The following THADA variants were observed in gnomAD, a reference collection of about 807,000 sequenced individuals.
THADA encodes tRNA (32-2'-O)-methyltransferase regulator THADA.
A neutral mutation model predicts 219.8 loss-of-function variants in THADA; 213 were observed. The observed-to-expected ratio is 0.97, with a 90% CI of 0.87 to 1.09. The LOEUF is 1.09. THADA is among the 50% of genes least tolerant of loss of function. The pLI is 0.00. For synonymous variants in THADA, 1,018 were observed against 828.9 expected (o/e 1.23, Z -3.92); for missense variants, 2,956 against 2,311.3 (o/e 1.28, Z -5.72).
chr2:43,536,876 A>G (rs1694681502), intron 21 of THADA, among the ~76,000 whole-genome samples: 1 of 152,212 alleles, frequency 6.6e-6, no homozygotes, highest in Admixed American at 6.5e-5. Flanking sequence ...AAATAATAAG[A>G]TTATGCATTT....
At chr2:43,593,783 G>A (rs369175160) in intron 1 of THADA, among the ~76,000 whole-genome samples, 5 of 152,090 alleles carry the variant, frequency 3.3e-5, no homozygotes, top group East Asian at 3.9e-4. Flanking sequence ...ACAGGCGCCC[G>A]CCACCACGCC....
rs1262235838 is a variant in THADA, at chr2:43,586,877, G to A, written c.428C>T (p.Ser143Phe). ...SYRKVTDNIS[S>F]CMENFNLGRA... ...ACCCAAGTTAAAGTTCTCCATACAG[G>A]AAGAAATATTGTCAGTAACTTTCCT... The change falls in exon 5 of 38, where the codon TCC becomes TTC. Residue 143 changes from serine (S) to phenylalanine (F), a missense_variant. Ser to Phe is a radical substitution (Grantham distance 155). Coordinates refer to ENST00000405975, the MANE Select transcript of THADA (RefSeq NM_022065.5). 2 of 1,613,798 alleles carry A rather than the reference G, an allele frequency of 1.2e-6. No individual in the cohort carries two copies. The highest frequency in any genetic ancestry group is 2.7e-5 in the African/African-American group (2 of 75,012).
At position 43,307,230 on chromosome 2, in the gene THADA, C is replaced by T. The variant is rs573829695; in HGVS notation, c.4438+13216G>A. 4.9e-4 allele frequency among the ~76,000 whole-genome samples: 74 copies of T among 152,312 alleles called. 1 individual carries two copies. The highest frequency in any genetic ancestry group is 1.7e-3 in the African/African-American group (72 of 41,570). ...AAGAGGCAACTTCTAAGCCCCAGTA[C>T]AGAGAGGAGGAACCCAGAGCCCAGA... On this transcript the variant is annotated intron_variant, in intron 31 of 37. Coordinates refer to ENST00000405975, the MANE Select transcript of THADA (RefSeq NM_022065.5).
intron 20 of THADA, among the ~76,000 whole-genome samples, chr2:43,548,848 CG>C (rs1696399819): frequency 6.6e-6 from 1 of 152,234 alleles, no homozygotes; most frequent in Non-Finnish European, 1.5e-5. Context: ...CGCCCTGCTT[CG>C]GCTCGCGCAT....
In THADA at chr2:43,591,944, A is replaced by G; in HGVS notation, c.171+8T>C. ...AAGATGCATCCATGAATATCAATTCAGACTTACCTGTTTAATATAATGGAT... is the reference window on the plus strand; with the variant it reads ...AAGATGCATCCATGAATATCAATTCGGACTTACCTGTTTAATATAATGGAT... On this transcript the variant is annotated splice_region_variant and intron_variant, in intron 3 of 37. Coordinates refer to ENST00000405975, the MANE Select transcript of THADA (RefSeq NM_022065.5). 1 of 1,498,110 alleles carries G rather than the reference A, an allele frequency of 6.7e-7. No homozygotes were observed. The highest frequency in any genetic ancestry group is 8.9e-7 in the Non-Finnish European group (1 of 1,117,364). 92.8% of individuals were successfully genotyped at this position (1,498,110 alleles called of 1,614,324 possible). A position where few individuals can be genotyped will look rare whatever the true frequency, so the allele number is the denominator to read the frequency against.
In THADA at chr2:43,489,078, C is replaced by T. The variant is rs72865248; in HGVS notation, c.3745-3753G>A. Among the ~76,000 whole-genome samples the T allele has an allele frequency of 8.9e-3, 1,349 of 152,254 alleles. 20 individuals carry two copies. The highest frequency in any genetic ancestry group is 0.031 in the African/African-American group (1,291 of 41,540). ...CCACTCTTATCAGATGTATAATACG[C>T]AAATATTTTCTCCCATTCTGTGGGT... is the stretch of plus-strand genomic sequence containing the variant. On this transcript the variant is annotated intron_variant, in intron 25 of 37. Coordinates refer to ENST00000405975, the MANE Select transcript of THADA (RefSeq NM_022065.5).
chr2:43,344,974 T>C (rs749769928), intron 29 of THADA, among the ~76,000 whole-genome samples: 6 of 152,372 alleles, frequency 3.9e-5, no homozygotes, highest in East Asian at 3.9e-4. Context: ...ATGAGATCTT[T>C]TGACCTTGGC....
intron 10 of THADA, 73 bp from the exon 11 acceptor site, chr2:43,575,100 G>C: frequency 2.6e-6 from 3 of 1,152,750 alleles, no homozygotes; most frequent in Non-Finnish European, 3.6e-6. Flanking sequence ...TAACAATTTA[G>C]ACTTTAAAAA....
At chr2:43,590,389 G>A (rs1453427084) in intron 4 of THADA, among the ~76,000 whole-genome samples, 3 of 152,142 alleles carry the variant, frequency 2.0e-5, no homozygotes, top group East Asian at 3.9e-4. Context: ...TTAAAAAGTT[G>A]TAACTAGGCT....
chr2:43,584,450 A>C (rs1368244215), intron 7 of THADA, among the ~76,000 whole-genome samples: 1 of 152,224 alleles, frequency 6.6e-6, no homozygotes, highest in African/African-American at 2.4e-5. Context: ...TGAGCATAAA[A>C]AGAAGAGCCA....
At chr2:43,329,712 T>C (rs1409460209) in intron 30 of THADA, among the ~76,000 whole-genome samples, 3 of 152,178 alleles carry the variant, frequency 2.0e-5, no homozygotes, top group South Asian at 4.1e-4. Context: ...ATTGTATCTA[T>C]GTGTCCCAAA....
chr2:43,468,286 A>G (rs533442282), intron 26 of THADA, among the ~76,000 whole-genome samples: 3 of 152,348 alleles, frequency 2.0e-5, no homozygotes, highest in Admixed American at 2.0e-4. Context: ...AATCTGGTTT[A>G]GTTTATGACT....
chr2:43,314,217 C>G (rs1677821778), intron 31 of THADA, among the ~76,000 whole-genome samples: 1 of 152,170 alleles, frequency 6.6e-6, no homozygotes, highest in Non-Finnish European at 1.5e-5. Flanking sequence ...CTAAAATATT[C>G]CTATCTATGA....
intron 31 of THADA, among the ~76,000 whole-genome samples, chr2:43,299,318 G>A (rs1675971253): frequency 6.6e-6 from 1 of 152,174 alleles, no homozygotes; most frequent in African/African-American, 2.4e-5. Context: ...CTGCTTCAAA[G>A]AGCTTTAAGA....
In THADA at chr2:43,382,159, G is replaced by T. The variant is rs555534582; in HGVS notation, c.4227+15812C>A. ...AGGAGATACGACATCTAAATGTAAT[G>T]TGGTAACCTGGATGGGATCCTGGAA... On this transcript the variant is annotated intron_variant, in intron 29 of 37. Coordinates refer to ENST00000405975, the MANE Select transcript of THADA (RefSeq NM_022065.5). 1.1e-3 allele frequency among the ~76,000 whole-genome samples: 169 copies of T among 152,294 alleles called. 1 individual carries two copies. The highest frequency in any genetic ancestry group is 3.9e-3 in the African/African-American group (163 of 41,554).
chr2:43,460,238 TAAAAAAAAAAAAAA>T (rs10560565), intron 26 of THADA, among the ~76,000 whole-genome samples: 4 of 63,514 alleles, frequency 6.3e-5, no homozygotes, highest in Non-Finnish European at 1.1e-4. Context: ...TTTCTCTTAA[TAAAAAAAAAAAAAA>T]AAAAAAAAAA....
At chr2:43,432,076 T>C (rs1359234598) in intron 26 of THADA, among the ~76,000 whole-genome samples, 2 of 125,302 alleles carry the variant, frequency 1.6e-5, no homozygotes, top group Non-Finnish European at 3.4e-5. Context: ...CGGGATGGTC[T>C]CGATCTCCTG....
intron 22 of THADA, among the ~76,000 whole-genome samples, chr2:43,524,133 G>A (rs1178812759): frequency 6.6e-6 from 1 of 152,136 alleles, no homozygotes; most frequent in Non-Finnish European, 1.5e-5. Context: ...TGTTTTTTAA[G>A]GAGAACAGGA....
At chr2:43,369,943 G>C (rs535910294) in intron 29 of THADA, among the ~76,000 whole-genome samples, 1 of 152,078 alleles carries the variant, frequency 6.6e-6, no homozygotes, top group African/African-American at 2.4e-5. Context: ...CAGGTTTGTT[G>C]GTTGTGTCTC....
Sources: gnomAD v4.1 joint callset for allele counts (sites outside exome capture counted in the v4.1 genomes callset) on GRCh38, gnomAD v4.1.1 for gene constraint, MANE v1.5 for transcripts, NCBI Gene and HGNC (gene_info 2026-07-23, HGNC 2026-07-21) for gene names.